Variants in PPM1H observed in about 807,000 individuals in gnomAD.
PPM1H encodes the protein protein phosphatase, Mg2+/Mn2+ dependent 1H, also known as protein phosphatase 1H.
Under a neutral mutation model 54.9 loss-of-function variants are expected in PPM1H, and 27 were observed. The observed-to-expected ratio is 0.49, with a 90% CI of 0.36 to 0.68. The LOEUF (loss-of-function observed/expected upper bound fraction) is 0.68. Among genes scored for constraint, PPM1H ranks in the 30% least tolerant of loss-of-function variants. The probability of loss-of-function intolerance (pLI) is 0.00; values close to 1 mark genes in which losing one functional copy is unlikely to be tolerated. For missense variants in PPM1H, 596 were observed against 667.8 expected (o/e 0.89, Z 1.19); for synonymous variants, 305 against 270.8 (o/e 1.13, Z -1.24).
rs140464144 is a variant in PPM1H, at chr12:62,654,166, C to A, written c.1398-5530G>T. On this transcript the variant is annotated intron_variant, in intron 9 of 9. Coordinates refer to ENST00000228705, the MANE Select transcript of PPM1H (RefSeq NM_020700.2). ...GGGAAGATCTCTAGAGCCTGGGAAG[C>A]GAGGCTGTGCCACTGCACTCCAATC... 3.7e-3 allele frequency among the ~76,000 whole-genome samples: 491 copies of A among 132,726 alleles called. 2 individuals are homozygous for A. The highest frequency in any genetic ancestry group is 0.013 in the African/African-American group (454 of 34,922). 87.1% of individuals were successfully genotyped at this position (132,726 alleles called of 152,430 possible).
At chr12:62,870,736 T>C (rs1424697981) in intron 1 of PPM1H, among the ~76,000 whole-genome samples, 2 of 152,174 alleles carry the variant, frequency 1.3e-5, no homozygotes, top group Non-Finnish European at 2.9e-5. Flanking sequence ...TAGACTCTTA[T>C]AGAACATACG....
chr12:62,710,044 A>G (rs965799865), intron 6 of PPM1H, among the ~76,000 whole-genome samples: 1 of 152,006 alleles, frequency 6.6e-6, no homozygotes, highest in Non-Finnish European at 1.5e-5. Context: ...ATTGCACTCC[A>G]GCCTGGGCAA....
intron 4 of PPM1H, among the ~76,000 whole-genome samples, chr12:62,776,128 C>T (rs1437900653): frequency 2.6e-5 from 4 of 152,156 alleles, no homozygotes; most frequent in Non-Finnish European, 4.4e-5. Context: ...TACCTCCCAC[C>T]TGGTCCCCTC....
rs1253254162 is a variant in PPM1H at position 62,667,432 on chromosome 12, T to C, written c.1246-103A>G. ...CCTTCCCTTTTCCTGCCCAGCCTAG[T>C]GGTTTTCAGATATGCATTGTAGGGT... On this transcript the variant is annotated intron_variant, in intron 8 of 9. Coordinates refer to ENST00000228705, the MANE Select transcript of PPM1H (RefSeq NM_020700.2). The C allele has an allele frequency of 2.8e-6, 3 of 1,080,034 alleles. No homozygotes were observed. In the Admixed American group the frequency reaches 8.0e-5, roughly 29 times the overall value. 66.9% of individuals were successfully genotyped at this position (1,080,034 alleles called of 1,614,324 possible). A position where few individuals can be genotyped will look rare whatever the true frequency, so the allele number is the denominator to read the frequency against.
In PPM1H at chr12:62,648,605, G is replaced by A. The variant is rs757417572; in HGVS notation, c.1429C>T (p.Arg477Cys). The A allele has an allele frequency of 4.0e-5, 65 of 1,613,786 alleles. No individual in the cohort carries two copies. In the Admixed American group the frequency reaches 5.2e-4, roughly 13 times the overall value. Residue 477 changes from arginine to cysteine, a missense_variant, in exon 10 of 10, where the codon CGT becomes TGT. Arg to Cys is a radical substitution (Grantham distance 180). Transcript: ENST00000228705. ...YTLAAQDLVM[R>C]ARGVLKDRGW... ...CTGTCCTTCAGCACACCCCGGGCAC[G>A]CATCACCAGGTCCTGAGCTGCCAGT... is the stretch of plus-strand genomic sequence containing the variant.
At chr12:62,869,230 A>T (rs908701367) in intron 1 of PPM1H, among the ~76,000 whole-genome samples, 1 of 152,178 alleles carries the variant, frequency 6.6e-6, no homozygotes, top group Admixed American at 6.5e-5. Context: ...TTTTCATTTT[A>T]TCATTTATTT....
chr12:62,727,088 TA>T (rs2076293790), intron 5 of PPM1H, among the ~76,000 whole-genome samples: 1 of 152,088 alleles, frequency 6.6e-6, no homozygotes, highest in Non-Finnish European at 1.5e-5. Flanking sequence ...CAAATTTTTG[TA>T]TTTTTAGTAG....
intron 2 of PPM1H, among the ~76,000 whole-genome samples, chr12:62,830,650 C>G (rs190439481): frequency 2.6e-3 from 400 of 152,292 alleles, no homozygotes; most frequent in Non-Finnish European, 4.0e-3. Flanking sequence ...TCATCTCACT[C>G]CAGGGCCTGG....
At chr12:62,865,288 C>T (rs1048913042) in intron 1 of PPM1H, among the ~76,000 whole-genome samples, 2 of 152,184 alleles carry the variant, frequency 1.3e-5, no homozygotes, top group African/African-American at 4.8e-5. Context: ...GTCCAAGCAG[C>T]TGGCTTCCAA....
At chr12:62,754,613 TAGTGAA>T (rs1321364828) in intron 4 of PPM1H, among the ~76,000 whole-genome samples, 2 of 152,172 alleles carry the variant, frequency 1.3e-5, no homozygotes, top group Non-Finnish European at 2.9e-5. Flanking sequence ...TTATGAGGGC[TAGTGAA>T]AGAAAGCAGC....
chr12:62,833,258 A>C (rs983226315), intron 1 of PPM1H, among the ~76,000 whole-genome samples: 1 of 152,174 alleles, frequency 6.6e-6, no homozygotes, highest in Non-Finnish European at 1.5e-5. Context: ...AGGTAAGCTA[A>C]ATAAAAATTA....
intron 1 of PPM1H, among the ~76,000 whole-genome samples, chr12:62,912,312 T>A (rs1455442496): frequency 6.6e-6 from 1 of 152,266 alleles, no homozygotes; most frequent in Non-Finnish European, 1.5e-5. Flanking sequence ...TTCTAAGTAC[T>A]GATAAAACTT....
At chr12:62,803,266 G>A (rs1237345181) in intron 2 of PPM1H, among the ~76,000 whole-genome samples, 1 of 152,092 alleles carries the variant, frequency 6.6e-6, no homozygotes, top group African/African-American at 2.4e-5. Flanking sequence ...GCTGCTGGTG[G>A]ATTTCTAGAC....
In PPM1H at chr12:62,817,410, C is replaced by T. The variant is rs150047673; in HGVS notation, c.411+14704G>A. 4.1e-3 allele frequency among the ~76,000 whole-genome samples: 609 copies of T among 150,048 alleles called. 3 individuals are homozygous for T. Among genetic ancestry groups the T allele is most frequent in the African/African-American group, 0.015 (594 of 40,760 alleles). On this transcript the variant is annotated intron_variant, in intron 2 of 9. Transcript: ENST00000228705. The stretch of plus-strand genomic sequence containing the variant: ...CTGGCAGGCGGAGCTTGCAGTGAGC[C>T]AAGATAGCGCCACTGCACTCCAGTC...
At chr12:62,795,365 T>C (rs2076726578) in intron 3 of PPM1H, among the ~76,000 whole-genome samples, 1 of 152,160 alleles carries the variant, frequency 6.6e-6, no homozygotes, top group Non-Finnish European at 1.5e-5. Context: ...TTTTGTTATT[T>C]AGAATATCAA....
chr12:62,779,484 TCTC>T (rs1253286710), intron 4 of PPM1H, among the ~76,000 whole-genome samples: 11 of 152,202 alleles, frequency 7.2e-5, no homozygotes, highest in African/African-American at 1.2e-4. Flanking sequence ...TATAAACAGT[TCTC>T]CTGATCAGTA....
intron 2 of PPM1H, among the ~76,000 whole-genome samples, chr12:62,825,335 G>A (rs1868278729): frequency 6.6e-6 from 1 of 152,154 alleles, no homozygotes; most frequent in African/African-American, 2.4e-5. Context: ...TGATTCCTCA[G>A]TGATCTAGAA....
chr12:62,737,394 TTG>T, intron 5 of PPM1H, 106 bp downstream of exon 5: 1 of 660,046 alleles, frequency 1.5e-6, no homozygotes, highest in Admixed American at 3.4e-5. Context: ...CATATGTCAT[TTG>T]AATGCGGTGA....
At chr12:62,911,600 GT>G (rs1292805503) in intron 1 of PPM1H, among the ~76,000 whole-genome samples, 1 of 152,156 alleles carries the variant, frequency 6.6e-6, no homozygotes, top group Non-Finnish European at 1.5e-5. Context: ...TTATTTCTGA[GT>G]CTTTGCACAT....
Sources: allele counts gnomAD v4.1 joint callset (sites outside exome capture counted in the v4.1 genomes callset), GRCh38; gene constraint gnomAD v4.1.1; transcripts MANE v1.5; gene names NCBI Gene and HGNC (gene_info 2026-07-23, HGNC 2026-07-21).